PTPRD: variants seen among roughly 807,000 people sequenced by gnomAD.
The protein encoded by PTPRD is receptor-type tyrosine-protein phosphatase delta.
A neutral mutation model predicts 214.5 loss-of-function variants in PTPRD; 34 were observed. That is an observed-to-expected ratio of 0.16 (90% CI 0.12 to 0.21). The LOEUF is 0.21. PTPRD is among the 10% of genes least tolerant of loss of function. The pLI is 1.00. For synonymous variants in PTPRD, 1,128 were observed against 845.7 expected (o/e 1.33, Z -5.79); for missense variants, 2,545 against 2,398.7 (o/e 1.06, Z -1.27).
intron 7 of PTPRD, among the ~76,000 whole-genome samples, chr9:9,694,943 T>C (rs1223578906): frequency 6.6e-6 from 1 of 152,124 alleles, no homozygotes; most frequent in Non-Finnish European, 1.5e-5. Context: ...AGCCTGCTTG[T>C]TGCTCTACCC....
chr9:10,043,911 A>T (rs1294539538), intron 3 of PTPRD, among the ~76,000 whole-genome samples: 1 of 151,856 alleles, frequency 6.6e-6, no homozygotes, highest in African/African-American at 2.4e-5. Context: ...AAGCTGTGAG[A>T]ATTGTGATTT....
chr9:10,495,417 C>T (rs574504355), intron 2 of PTPRD, among the ~76,000 whole-genome samples: 2 of 151,900 alleles, frequency 1.3e-5, no homozygotes, highest in Admixed American at 1.3e-4. Flanking sequence ...TTCCAGATGT[C>T]AGCTGATGGT....
chr9:8,376,867 C>T (rs1435676341), intron 37 of PTPRD, 141 bp from the exon 38 acceptor site: 3 of 1,109,348 alleles, frequency 2.7e-6, no homozygotes, highest in Non-Finnish European at 3.8e-6. Context: ...TTTTGTTATC[C>T]CAATATATGT....
intron 11 of PTPRD, among the ~76,000 whole-genome samples, chr9:8,934,608 C>T (rs1198047719): frequency 7.0e-6 from 1 of 143,424 alleles, no homozygotes; most frequent in African/African-American, 2.6e-5. Context: ...TATCCATTAC[C>T]TCACATAGTT....
chr9:9,505,158 A>G (rs2096540644), intron 8 of PTPRD, among the ~76,000 whole-genome samples: 1 of 151,568 alleles, frequency 6.6e-6, no homozygotes, highest in East Asian at 1.9e-4. Flanking sequence ...CCCCTAATAA[A>G]TCATTTGCAT....
chr9:9,849,031 A>G (rs921397377), intron 5 of PTPRD, among the ~76,000 whole-genome samples: 7 of 151,760 alleles, frequency 4.6e-5, no homozygotes, highest in Admixed American at 2.0e-4. Flanking sequence ...GGGTGTGTCT[A>G]TGTATTTGGA....
intron 3 of PTPRD, among the ~76,000 whole-genome samples, chr9:10,317,886 TA>T (rs1311116804): frequency 2.6e-5 from 4 of 152,028 alleles, no homozygotes; most frequent in African/African-American, 9.7e-5. Flanking sequence ...TAATACTTGA[TA>T]GTTAAGGTAT....
At chr9:9,216,620 A>C (rs1312510111) in intron 9 of PTPRD, among the ~76,000 whole-genome samples, 2 of 152,142 alleles carry the variant, frequency 1.3e-5, no homozygotes, top group East Asian at 3.9e-4. Flanking sequence ...GGAGAAGTTA[A>C]AGCTGGAAAT....
intron 3 of PTPRD, among the ~76,000 whole-genome samples, chr9:10,330,094 G>A (rs2096722014): frequency 6.6e-6 from 1 of 151,478 alleles, no homozygotes; most frequent in Non-Finnish European, 1.5e-5. Flanking sequence ...ATGTTTCTGA[G>A]GAGGTAACTG....
intron 14 of PTPRD, among the ~76,000 whole-genome samples, chr9:8,629,220 T>C (rs1305301603): frequency 6.6e-6 from 1 of 151,856 alleles, no homozygotes; most frequent in African/African-American, 2.4e-5. Context: ...AGGGAGGTTA[T>C]GTAAGTAAGA....
chr9:8,518,776 A>G (rs1347530940), intron 20 of PTPRD, among the ~76,000 whole-genome samples: 3 of 152,204 alleles, frequency 2.0e-5, no homozygotes, highest in African/African-American at 7.2e-5. Context: ...CATATTATAC[A>G]GCTGTATGTA....
intron 34 of PTPRD, among the ~76,000 whole-genome samples, chr9:8,439,173 T>A (rs2095458368): frequency 6.6e-6 from 1 of 152,182 alleles, no homozygotes; most frequent in Non-Finnish European, 1.5e-5. Flanking sequence ...TCTGTGTGAA[T>A]CCAATGGTAC....
At chr9:10,379,446 T>A (rs2097782193) in intron 2 of PTPRD, among the ~76,000 whole-genome samples, 1 of 151,954 alleles carries the variant, frequency 6.6e-6, no homozygotes. Context: ...GCATTCCAGA[T>A]CTTAGAGGAA....
At chr9:8,872,007 A>G (rs971162074) in intron 11 of PTPRD, among the ~76,000 whole-genome samples, 1 of 152,168 alleles carries the variant, frequency 6.6e-6, no homozygotes, top group South Asian at 2.1e-4. Flanking sequence ...AATGCAATCA[A>G]TCAACATTGA....
chr9:8,541,929 A>C lies in PTPRD; in HGVS notation c.353-13150T>G, dbSNP rs537342656. Among the ~76,000 whole-genome samples the C allele has an allele frequency of 2.0e-5, 3 of 152,294 alleles. No homozygotes were observed. In the South Asian group the frequency reaches 6.2e-4, roughly 32 times the overall value. ...CAACAGGAGTTCAGACATCTGGAAA[A>C]TAACCCAATCAAAGTAAAACTGCCA... On this transcript the variant is annotated intron_variant, in intron 14 of 45. Transcript: ENST00000381196.
intron 4 of PTPRD, among the ~76,000 whole-genome samples, chr9:9,965,347 G>A (rs956233296): frequency 1.3e-5 from 2 of 152,076 alleles, no homozygotes; most frequent in Non-Finnish European, 1.5e-5. Flanking sequence ...GTTAATGAGA[G>A]GAGAAGGCTT....
intron 5 of PTPRD, among the ~76,000 whole-genome samples, chr9:9,794,987 G>C (rs2098992910): frequency 6.6e-6 from 1 of 152,228 alleles, no homozygotes; most frequent in South Asian, 2.1e-4. Flanking sequence ...AAAGAGCAGA[G>C]GTAGCTTCAC....
At chr9:9,434,212 C>T (rs1268509325) in intron 8 of PTPRD, among the ~76,000 whole-genome samples, 1 of 152,048 alleles carries the variant, frequency 6.6e-6, no homozygotes, top group African/African-American at 2.4e-5. Flanking sequence ...ACAAACAGTG[C>T]CTAGATCTCT....
At chr9:8,461,514 C>A (rs374399909) in intron 32 of PTPRD, among the ~76,000 whole-genome samples, 1 of 152,026 alleles carries the variant, frequency 6.6e-6, no homozygotes, top group Non-Finnish European at 1.5e-5. Flanking sequence ...CTTCCACTTT[C>A]CAATCCAACA....
Sources: allele counts gnomAD v4.1 joint callset (sites outside exome capture counted in the v4.1 genomes callset), GRCh38; gene constraint gnomAD v4.1.1; transcripts MANE v1.5; gene names NCBI Gene and HGNC (gene_info 2026-07-23, HGNC 2026-07-21).